L3MBTL4: variants seen among roughly 807,000 people sequenced by gnomAD.
L3MBTL4 encodes the protein lethal(3)malignant brain tumor-like protein 4.
A neutral mutation model predicts 84.5 loss-of-function variants in L3MBTL4; 70 were observed. The ratio of observed to expected loss-of-function variants is 0.83; its 90% CI spans 0.68 to 1.01. The LOEUF (loss-of-function observed/expected upper bound fraction) is 1.01. L3MBTL4 is among the 50% of genes least tolerant of loss of function. L3MBTL4 has a pLI of 0.00. For synonymous variants in L3MBTL4, 274 were observed against 259.8 expected (o/e 1.05, Z -0.52); for missense variants, 715 against 754.8 (o/e 0.95, Z 0.62).
rs571164850 is a variant in L3MBTL4, at chr18:6,012,989, C to A, written c.1445-43427G>T. Among the ~76,000 whole-genome samples, 25 of 152,306 alleles carry A rather than the reference C, an allele frequency of 1.6e-4. No homozygotes were observed. The South Asian group carries it at 3.3e-3, about 20-fold the overall frequency. ...TCTCCAAGGGGCAGCCAGAGGTCCCCATCGCAGCACAGTTCCTCAGGTCTT... is the reference window on the plus strand; with the variant it reads ...TCTCCAAGGGGCAGCCAGAGGTCCCAATCGCAGCACAGTTCCTCAGGTCTT... On this transcript the variant is annotated intron_variant, in intron 16 of 18. Transcript: ENST00000317931.
At chr18:6,161,722 C>A (rs1468085310) in intron 13 of L3MBTL4, among the ~76,000 whole-genome samples, 1 of 152,140 alleles carries the variant, frequency 6.6e-6, no homozygotes. Context: ...TCATCTGAGC[C>A]CGGCTCAACA....
intron 12 of L3MBTL4, among the ~76,000 whole-genome samples, chr18:6,184,913 G>A (rs2044650042): frequency 6.6e-6 from 1 of 152,164 alleles, no homozygotes; most frequent in Non-Finnish European, 1.5e-5. Context: ...TGGGACAAGG[G>A]TTTCCCAAAC....
At position 6,003,449 on chromosome 18, in the gene L3MBTL4, A is replaced by G. The variant is rs192808870; in HGVS notation, c.1445-33887T>C. On this transcript the variant is annotated intron_variant, in intron 16 of 18. Transcript: ENST00000317931. ...GAAAAGATAAATAGACTATTCTCAA[A>G]TAATGACTTGTGACTTCAATACTTC... Among the ~76,000 whole-genome samples, 4 of 152,140 alleles carry G rather than the reference A, an allele frequency of 2.6e-5. No individual in the cohort carries two copies. In the East Asian group the frequency reaches 7.7e-4, roughly 29 times the overall value.
intron 4 of L3MBTL4, among the ~76,000 whole-genome samples, chr18:6,274,139 T>C (rs2048985120): frequency 6.6e-6 from 1 of 152,226 alleles, no homozygotes; most frequent in East Asian, 1.9e-4. Flanking sequence ...CAAACCATGT[T>C]ACATGCCTTA....
rs11872409 is a variant in L3MBTL4 at position 6,343,392 on chromosome 18, G to A, written c.-90-31336C>T. On this transcript the variant is annotated intron_variant, in intron 1 of 18. Transcript: ENST00000317931. ...AAGAAGTTGTAAATCGGCTGGGTGC[G>A]GTGGCTCATGCCTGTAATCCCAGCA... Among the ~76,000 whole-genome samples the A allele has an allele frequency of 6.3e-3, 957 of 152,148 alleles. 6 individuals are homozygous for A. Among genetic ancestry groups the A allele is most frequent in the African/African-American group, 0.022 (913 of 41,494 alleles).
intron 14 of L3MBTL4, among the ~76,000 whole-genome samples, chr18:6,136,247 C>T (rs1038042446): frequency 2.0e-5 from 3 of 152,178 alleles, no homozygotes; most frequent in Non-Finnish European, 4.4e-5. Flanking sequence ...AACCATATCA[C>T]AGCCCCTCCC....
chr18:6,150,395 A>G (rs2042841854), intron 13 of L3MBTL4, among the ~76,000 whole-genome samples: 1 of 152,016 alleles, frequency 6.6e-6, no homozygotes, highest in South Asian at 2.1e-4. Context: ...GGGCATTCTT[A>G]ACAGAAAATG....
intron 5 of L3MBTL4, among the ~76,000 whole-genome samples, chr18:6,254,540 T>C (rs1041116847): frequency 4.6e-5 from 7 of 151,986 alleles, no homozygotes; most frequent in Admixed American, 1.3e-4. Context: ...GCTGATTGTG[T>C]ATTTTTAAAC....
At chr18:5,973,806 C>T (rs2052768430) in intron 16 of L3MBTL4, among the ~76,000 whole-genome samples, 1 of 152,146 alleles carries the variant, frequency 6.6e-6, no homozygotes, top group Non-Finnish European at 1.5e-5. Context: ...CCTGTTTCCA[C>T]CTAACACAGC....
At chr18:6,400,671 C>T (rs2055473090) in intron 1 of L3MBTL4, among the ~76,000 whole-genome samples, 1 of 152,192 alleles carries the variant, frequency 6.6e-6, no homozygotes, top group Admixed American at 6.5e-5. Flanking sequence ...CTTGGCCTCC[C>T]AAATTGTTGG....
intron 12 of L3MBTL4, among the ~76,000 whole-genome samples, chr18:6,172,339 T>A (rs1017460854): frequency 6.6e-6 from 1 of 152,152 alleles, no homozygotes; most frequent in Non-Finnish European, 1.5e-5. Context: ...CAACTTGACA[T>A]TAGTACAAGT....
chr18:6,410,692 G>T (rs577959583), intron 1 of L3MBTL4, among the ~76,000 whole-genome samples: 2 of 152,278 alleles, frequency 1.3e-5, no homozygotes, highest in African/African-American at 4.8e-5. Flanking sequence ...TGAGATGCAT[G>T]CACTGCTGTT....
At chr18:6,386,603 C>T (rs1219133739) in intron 1 of L3MBTL4, among the ~76,000 whole-genome samples, 1 of 152,094 alleles carries the variant, frequency 6.6e-6, no homozygotes, top group Non-Finnish European at 1.5e-5. Context: ...GAGGCCTCTA[C>T]CACAGGCGGA....
rs150268424 is a variant in L3MBTL4, at chr18:6,160,911, T to C, written c.1096+10917A>G. Among the ~76,000 whole-genome samples the C allele has an allele frequency of 3.1e-3, 470 of 152,154 alleles. 13 individuals carry two copies. The highest frequency in any genetic ancestry group is 0.029 in the Admixed American group (445 of 15,284). On this transcript the variant is annotated intron_variant, in intron 13 of 18. Coordinates refer to ENST00000317931, the MANE Select transcript of L3MBTL4 (RefSeq NM_001330559.2). ...TAATCTGTGTGTGAATAATTACCAATATAGTAAAAGAAATGAGCTCCATTT... is the reference window on the plus strand; with the variant it reads ...TAATCTGTGTGTGAATAATTACCAACATAGTAAAAGAAATGAGCTCCATTT...
chr18:5,971,311 C>T (rs79794713), intron 16 of L3MBTL4, among the ~76,000 whole-genome samples: 2,238 of 152,254 alleles, frequency 0.015, 53 homozygotes, highest in African/African-American at 0.051. Context: ...TGATCAAGAC[C>T]TTGCTGGGAA....
At chr18:6,381,493 T>C (rs1174162662) in intron 1 of L3MBTL4, among the ~76,000 whole-genome samples, 1 of 152,262 alleles carries the variant, frequency 6.6e-6, no homozygotes, top group East Asian at 1.9e-4. Flanking sequence ...CCATGTTTAG[T>C]GCTTCCTTCA....
intron 12 of L3MBTL4, among the ~76,000 whole-genome samples, chr18:6,201,188 C>T (rs967554407): frequency 2.0e-5 from 3 of 152,114 alleles, no homozygotes; most frequent in African/African-American, 7.2e-5. Flanking sequence ...ACCATAAATA[C>T]CTATGATGAA....
chr18:6,012,548 G>A (rs1257359744), intron 16 of L3MBTL4, among the ~76,000 whole-genome samples: 2 of 152,032 alleles, frequency 1.3e-5, no homozygotes, highest in Admixed American at 1.3e-4. Context: ...TAAGAGTCTG[G>A]GCGCAGTGGC....
intron 13 of L3MBTL4, among the ~76,000 whole-genome samples, chr18:6,148,787 A>C (rs995952589): frequency 2.0e-5 from 3 of 152,032 alleles, no homozygotes; most frequent in African/African-American, 7.2e-5. Flanking sequence ...GCATACACAA[A>C]AAAATGTTTT....
Sources: gnomAD v4.1 joint callset for allele counts (sites outside exome capture counted in the v4.1 genomes callset) on GRCh38, gnomAD v4.1.1 for gene constraint, MANE v1.5 for transcripts, NCBI Gene and HGNC (gene_info 2026-07-23, HGNC 2026-07-21) for gene names.